The following PLEKHA7 variants were observed in gnomAD, a reference collection of about 807,000 sequenced individuals.
PLEKHA7 encodes pleckstrin homology domain-containing family A member 7.
PLEKHA7 carries 104 observed loss-of-function variants against 170.0 expected under a neutral mutation model. The observed-to-expected ratio is 0.61, with a 90% confidence interval of 0.52 to 0.72. The LOEUF (loss-of-function observed/expected upper bound fraction) is 0.72, where lower values mean the gene tolerates loss of function less well. PLEKHA7 is among the 30% of genes least tolerant of loss of function. The probability of loss-of-function intolerance (pLI) is 0.00; values close to 1 mark genes in which losing one functional copy is unlikely to be tolerated. For missense variants in PLEKHA7, 1,615 were observed against 1,671.7 expected, an observed-to-expected ratio of 0.97 and a Z score of 0.59; for synonymous variants, 648 against 660.8, an observed-to-expected ratio of 0.98 and a Z score of 0.30.
At chr11:16,950,717 C>G (rs1861355077) in intron 3 of PLEKHA7, among the ~76,000 whole-genome samples, 1 of 152,182 alleles carries the variant, frequency 6.6e-6, no homozygotes, top group Non-Finnish European at 1.5e-5. Context: ...CCATTCACAT[C>G]TCCAAGCCAA....
chr11:16,941,181 A>G (rs1451949350), intron 3 of PLEKHA7, among the ~76,000 whole-genome samples: 2 of 152,076 alleles, frequency 1.3e-5, no homozygotes, highest in African/African-American at 4.8e-5. Context: ...ACCCCTCCCT[A>G]GGGTGTCCTT....
At position 16,968,869 on chromosome 11, in the gene PLEKHA7, G is replaced by A. The variant is rs1445028964; in HGVS notation, c.221+45120C>T. Among the ~76,000 whole-genome samples, 6 of 149,604 alleles carry A rather than the reference G, an allele frequency of 4.0e-5. No homozygotes were observed. The East Asian group carries it at 5.8e-4, about 14-fold the overall frequency. Reference sequence around the variant, plus strand: ...CTAGTACCTGACAGCCTCCAGAAACGGATCTACTACTGCTTTCTCTAATAT... The same window carrying A: ...CTAGTACCTGACAGCCTCCAGAAACAGATCTACTACTGCTTTCTCTAATAT... On this transcript the variant is annotated intron_variant, in intron 3 of 26. Coordinates refer to ENST00000531066, the MANE Select transcript of PLEKHA7 (RefSeq NM_001329630.2).
At chr11:16,996,219 T>C (rs1419925880) in intron 3 of PLEKHA7, among the ~76,000 whole-genome samples, 2 of 152,232 alleles carry the variant, frequency 1.3e-5, no homozygotes, top group African/African-American at 4.8e-5. Flanking sequence ...AGAGGTTACA[T>C]AACCTGGCAG....
intron 3 of PLEKHA7, among the ~76,000 whole-genome samples, chr11:16,950,690 C>T (rs1861352844): frequency 6.6e-6 from 1 of 152,154 alleles, no homozygotes; most frequent in South Asian, 2.1e-4. Context: ...TCCACCTGCC[C>T]ATTCCCTCAG....
chr11:16,994,611 C>G (rs545123797), intron 3 of PLEKHA7, among the ~76,000 whole-genome samples: 20 of 152,266 alleles, frequency 1.3e-4, no homozygotes, highest in Non-Finnish European at 2.1e-4. Context: ...GGACCCCTCC[C>G]TGGATCCTCT....
chr11:16,798,906 T>A (rs1038112647), intron 17 of PLEKHA7, among the ~76,000 whole-genome samples: 1 of 152,164 alleles, frequency 6.6e-6, no homozygotes, highest in African/African-American at 2.4e-5. Flanking sequence ...TTAAATGCTA[T>A]CAGAAGAGGA....
chr11:16,868,323 G>A (rs1257136003), intron 4 of PLEKHA7, among the ~76,000 whole-genome samples: 3 of 152,176 alleles, frequency 2.0e-5, no homozygotes, highest in Admixed American at 6.5e-5. Context: ...GGAACCATCA[G>A]ATTATAGCTT....
rs1000192259 is a variant in PLEKHA7 at position 16,794,527 on chromosome 11, T to C, written c.2706A>G (p.Thr902=). Residue 902 remains threonine, a synonymous_variant, in exon 19 of 27, where the codon ACA becomes ACG. Coordinates refer to ENST00000531066, the MANE Select transcript of PLEKHA7 (RefSeq NM_001329630.2). The part of the protein sequence containing the change: ...RPHPPQLRKV[T]SPLQSPTKAK... Reference sequence around the variant, plus strand: ...CCTTAGTTGGTGACTGAAGGGGGGATGTCACTTTCCTCAGCTGGGGTGGGT... The same window carrying C: ...CCTTAGTTGGTGACTGAAGGGGGGACGTCACTTTCCTCAGCTGGGGTGGGT... 2 of 1,613,832 alleles carry C rather than the reference T, an allele frequency of 1.2e-6. No homozygotes were observed. Among genetic ancestry groups the C allele is most frequent in the African/African-American group, 2.7e-5 (2 of 74,876 alleles).
chr11:16,921,680 T>C (rs975295665), intron 3 of PLEKHA7, among the ~76,000 whole-genome samples: 1 of 152,206 alleles, frequency 6.6e-6, no homozygotes, highest in African/African-American at 2.4e-5. Context: ...AATAATTAAG[T>C]TGCATCATAA....
At chr11:16,838,922 A>G (rs553720449) in intron 9 of PLEKHA7, among the ~76,000 whole-genome samples, 14 of 152,064 alleles carry the variant, frequency 9.2e-5, no homozygotes, top group African/African-American at 3.1e-4. Flanking sequence ...TCCTGACCTC[A>G]TGAGCCACCC....
At chr11:16,871,468 GTACT>G (rs1565047358) in intron 3 of PLEKHA7, among the ~76,000 whole-genome samples, 1 of 152,178 alleles carries the variant, frequency 6.6e-6, no homozygotes, top group Non-Finnish European at 1.5e-5. Flanking sequence ...ATTCCATGAA[GTACT>G]TACTCCAGCA....
At chr11:17,008,211 C>A (rs1014441468) in intron 3 of PLEKHA7, among the ~76,000 whole-genome samples, 1 of 152,174 alleles carries the variant, frequency 6.6e-6, no homozygotes, top group Non-Finnish European at 1.5e-5. Context: ...AACTGAGAAA[C>A]CTGAAGCTAG....
chr11:16,832,610 C>A (rs1851205486), intron 9 of PLEKHA7, among the ~76,000 whole-genome samples: 1 of 152,142 alleles, frequency 6.6e-6, no homozygotes, highest in Non-Finnish European at 1.5e-5. Context: ...CACACACACC[C>A]CACACACATT....
chr11:16,856,032 G>T, intron 4 of PLEKHA7, 118 bp from the exon 5 acceptor site: 1 of 794,396 alleles, frequency 1.3e-6, no homozygotes, highest in Non-Finnish European at 2.1e-6. Context: ...AACCCTGATT[G>T]TTTGGAGGCT....
At chr11:16,829,178 T>G (rs1436903159) in intron 9 of PLEKHA7, among the ~76,000 whole-genome samples, 1 of 141,744 alleles carries the variant, frequency 7.1e-6, no homozygotes, top group African/African-American at 2.6e-5. Context: ...CTCTGCTAAT[T>G]AAAAAAAAAA....
chr11:16,859,879 G>A (rs990358131), intron 4 of PLEKHA7, among the ~76,000 whole-genome samples: 1 of 152,224 alleles, frequency 6.6e-6, no homozygotes, highest in Middle Eastern at 3.2e-3. Flanking sequence ...ACCTGCACAC[G>A]CAGACTGCTG....
At chr11:16,857,266 C>G (rs1247163330) in intron 4 of PLEKHA7, among the ~76,000 whole-genome samples, 1 of 152,228 alleles carries the variant, frequency 6.6e-6, no homozygotes, top group Non-Finnish European at 1.5e-5. Flanking sequence ...TAGTAGGCAC[C>G]AGCTTCCCAA....
At chr11:16,990,273 CAAAAAA>C (rs550741646) in intron 3 of PLEKHA7, among the ~76,000 whole-genome samples, 1 of 62,702 alleles carries the variant, frequency 1.6e-5, no homozygotes. Context: ...GACCCTGTCT[CAAAAAA>C]AAAAAAAAAA....
chr11:16,956,698 C>T (rs1013301113), intron 3 of PLEKHA7, among the ~76,000 whole-genome samples: 5 of 152,200 alleles, frequency 3.3e-5, no homozygotes, highest in Admixed American at 1.3e-4. Flanking sequence ...GAAGTCTACT[C>T]CCGCCTGGGC....
Sources: gnomAD v4.1 joint callset for allele counts (sites outside exome capture counted in the v4.1 genomes callset) on GRCh38, gnomAD v4.1.1 for gene constraint, MANE v1.5 for transcripts, NCBI Gene and HGNC (gene_info 2026-07-23, HGNC 2026-07-21) for gene names.